CD226: variants seen among roughly 807,000 people sequenced by gnomAD.
CD226 encodes CD226 molecule.
CD226 carries 24 observed loss-of-function variants against 34.9 expected under a neutral mutation model. The observed-to-expected ratio is 0.69, with a 90% CI of 0.50 to 0.97. CD226 has a LOEUF of 0.97. Among genes scored for constraint, CD226 ranks in the 50% least tolerant of loss-of-function variants. CD226 has a pLI of 0.00. For missense variants in CD226, 397 were observed against 412.7 expected (o/e 0.96, Z 0.33); for synonymous variants, 148 against 147.4 (o/e 1.00, Z -0.03).
At chr18:69,882,032 C>T (rs1338542971) in intron 3 of CD226, among the ~76,000 whole-genome samples, 1 of 152,204 alleles carries the variant, frequency 6.6e-6, no homozygotes, top group Non-Finnish European at 1.5e-5. Flanking sequence ...AGGGCCATGG[C>T]TTCAACCTCT....
chr18:69,892,555 T>C (rs1406876762), intron 3 of CD226, among the ~76,000 whole-genome samples: 2 of 152,220 alleles, frequency 1.3e-5, no homozygotes, highest in Non-Finnish European at 2.9e-5. Flanking sequence ...AAGAGAAATG[T>C]ATTTCTTTTC....
At chr18:69,949,443 CCT>C (rs559433481), upstream of CD226, among the ~76,000 whole-genome samples, 9 of 152,234 alleles carry the variant, frequency 5.9e-5, no homozygotes, top group South Asian at 1.0e-3. Flanking sequence ...AAGATTTTCC[CCT>C]GACAGGCACC....
chr18:69,865,768 CTGA>C (rs1030438444), intron 5 of CD226, among the ~76,000 whole-genome samples: 35 of 152,338 alleles, frequency 2.3e-4, no homozygotes, highest in African/African-American at 8.4e-4. Flanking sequence ...ATGAAGGCAT[CTGA>C]TGAACACATG....
intron 2 of CD226, 136 bp from the exon 3 acceptor site, chr18:69,896,181 CTTTT>C: frequency 9.1e-6 from 11 of 1,206,212 alleles, no homozygotes; most frequent in African/African-American, 3.2e-5. Context: ...CTTTATACTA[CTTTT>C]TTTTTTTTTT....
intron 2 of CD226, among the ~76,000 whole-genome samples, chr18:69,920,634 A>G (rs1013371320): frequency 2.6e-5 from 4 of 152,196 alleles, no homozygotes; most frequent in African/African-American, 9.6e-5. Flanking sequence ...CATAATAAAA[A>G]ATTTAATATA....
intron 2 of CD226, among the ~76,000 whole-genome samples, chr18:69,926,636 T>C (rs1267140337): frequency 6.6e-6 from 1 of 152,230 alleles, no homozygotes; most frequent in Non-Finnish European, 1.5e-5. Flanking sequence ...CAACAAGATA[T>C]CTAATTCTTC....
At chr18:69,920,814 A>G (rs1356907599) in intron 2 of CD226, among the ~76,000 whole-genome samples, 1 of 152,208 alleles carries the variant, frequency 6.6e-6, no homozygotes, top group Admixed American at 6.5e-5. Flanking sequence ...CAGAAATTTG[A>G]CTGAGTTCCT....
At chr18:69,894,634 AGGAGG>A (rs1178604362) in intron 3 of CD226, among the ~76,000 whole-genome samples, 1 of 23,808 alleles carries the variant, frequency 4.2e-5, no homozygotes, top group Non-Finnish European at 8.1e-5. Context: ...AGGGGAGGGG[AGGAGG>A]GGAGGGGAGG....
At chr18:69,878,308 A>C (rs1984005637) in intron 3 of CD226, among the ~76,000 whole-genome samples, 1 of 152,220 alleles carries the variant, frequency 6.6e-6, no homozygotes, top group Non-Finnish European at 1.5e-5. Context: ...ACAGAAGATA[A>C]ATACAGTTAA....
chr18:69,919,687 G>A (rs1568193009), intron 2 of CD226, among the ~76,000 whole-genome samples: 2 of 152,112 alleles, frequency 1.3e-5, no homozygotes, highest in East Asian at 3.9e-4. Flanking sequence ...GCAGGCCAGG[G>A]TTATTAAGTC....
At chr18:69,931,792 C>A (rs1365147025) in intron 2 of CD226, among the ~76,000 whole-genome samples, 3 of 152,182 alleles carry the variant, frequency 2.0e-5, no homozygotes, top group Non-Finnish European at 4.4e-5. Flanking sequence ...ACTTAAGCTG[C>A]CTTAGTTTAA....
At chr18:69,901,480 C>T (rs1199556853) in intron 2 of CD226, among the ~76,000 whole-genome samples, 1 of 152,018 alleles carries the variant, frequency 6.6e-6, no homozygotes, top group African/African-American at 2.4e-5. Context: ...TAACACTGAC[C>T]CAAACTTGAT....
rs190751617 is a variant in CD226, at chr18:69,939,601, T to C, written c.382+7133A>G. 7.2e-5 allele frequency among the ~76,000 whole-genome samples: 11 copies of C among 152,364 alleles called. No homozygotes were observed. In the East Asian group the frequency reaches 2.1e-3, roughly 29 times the overall value. On this transcript the variant is annotated intron_variant, in intron 2 of 5. Coordinates refer to ENST00000582621, the MANE Select transcript of CD226 (RefSeq NM_001303618.2). ...AATTTTCCCTATAATGAGAGAACTC[T>C]TGGATACCAAACAGAGTAGAATTAT...
intron 2 of CD226, among the ~76,000 whole-genome samples, chr18:69,917,760 T>C (rs2055403331): frequency 6.6e-6 from 1 of 152,228 alleles, no homozygotes; most frequent in Admixed American, 6.5e-5. Context: ...TAAGTCTTCA[T>C]ACAGCTTCTT....
chr18:69,909,898 A>C (rs1367115128), intron 2 of CD226, among the ~76,000 whole-genome samples: 2 of 152,256 alleles, frequency 1.3e-5, no homozygotes, highest in Non-Finnish European at 2.9e-5. Flanking sequence ...AAATGTCCAG[A>C]AACTTAACAA....
intron 2 of CD226, among the ~76,000 whole-genome samples, chr18:69,903,248 G>A (rs954111785): frequency 2.0e-5 from 3 of 152,134 alleles, no homozygotes; most frequent in African/African-American, 7.2e-5. Flanking sequence ...AAAGACAGTC[G>A]TGGTGGACAC....
chr18:69,934,691 G>T (rs927461326), intron 2 of CD226, among the ~76,000 whole-genome samples: 3 of 152,120 alleles, frequency 2.0e-5, no homozygotes, highest in Non-Finnish European at 4.4e-5. Flanking sequence ...AGTGTAAGTT[G>T]GTTAAATAGC....
chr18:69,923,221 AAG>A (rs956268056), intron 2 of CD226, among the ~76,000 whole-genome samples: 5 of 151,618 alleles, frequency 3.3e-5, no homozygotes, highest in Admixed American at 2.0e-4. Context: ...GGGAGAAAGA[AAG>A]AGAGAGAGAA....
chr18:69,911,949 T>C (rs1009058192), intron 2 of CD226, among the ~76,000 whole-genome samples: 2 of 152,220 alleles, frequency 1.3e-5, no homozygotes, highest in Non-Finnish European at 2.9e-5. Context: ...ACTTAACTTT[T>C]TGTTCAGCTG....
Sources: gnomAD v4.1 joint callset for allele counts (sites outside exome capture counted in the v4.1 genomes callset) on GRCh38, gnomAD v4.1.1 for gene constraint, MANE v1.5 for transcripts, NCBI Gene and HGNC (gene_info 2026-07-23, HGNC 2026-07-21) for gene names.